Variants in TRIM54 observed in about 807,000 individuals in gnomAD.
TRIM54 encodes the protein tripartite motif-containing protein 54.
In TRIM54, 40 loss-of-function variants were observed where a neutral mutation model predicts 42.0. The observed-to-expected ratio is 0.95, with a 90% CI of 0.74 to 1.24. The LOEUF is 1.24. Ranked by LOEUF, TRIM54 falls within the 50% of genes most tolerant of loss-of-function variation. The pLI is 0.00. For missense variants in TRIM54, 485 were observed against 480.3 expected, an observed-to-expected ratio of 1.01 and a Z score of -0.09; for synonymous variants, 199 against 194.9, an observed-to-expected ratio of 1.02 and a Z score of -0.17.
At chr2:27,301,548 G>C (rs1333746924) in intron 3 of TRIM54, among the ~76,000 whole-genome samples, 3 of 152,188 alleles carry the variant, frequency 2.0e-5, no homozygotes, top group Admixed American at 6.6e-5. Context: ...CATTGCCATG[G>C]CATTAGTAAA....
chr2:27,282,728 G>A lies in TRIM54; in HGVS notation c.-4G>A. On this transcript the variant is annotated 5_prime_UTR_variant, in exon 1 of 9. Transcript: ENST00000380075. ...GGCCCAGGCCAGGCACGACCACCGA[G>A]GGGATGAACTTCACAGTGGGTTTCA... 2 of 1,610,572 alleles carry A rather than the reference G, an allele frequency of 1.2e-6. No homozygotes were observed. Among genetic ancestry groups the A allele is most frequent in the Non-Finnish European group, 1.7e-6 (2 of 1,178,384 alleles).
intron 1 of TRIM54, among the ~76,000 whole-genome samples, chr2:27,286,339 A>C (rs1349387356): frequency 1.3e-5 from 2 of 152,086 alleles, no homozygotes; most frequent in Non-Finnish European, 2.9e-5. Flanking sequence ...GGCCATCTTA[A>C]TGTAATTCTT....
intron 1 of TRIM54, among the ~76,000 whole-genome samples, chr2:27,286,192 A>G (rs1172769039): frequency 6.6e-6 from 1 of 150,790 alleles, no homozygotes; most frequent in Non-Finnish European, 1.5e-5. Context: ...ATGGTGTCAC[A>G]TTATGTTACC....
Position 27,307,251 on chromosome 2 carries a change from G to A in TRIM54, c.*366G>A, listed in dbSNP as rs1679252639. ...GTCCTGGGGATTTGGGGACCCTTGG[G>A]GTCCACATGCACCTGGCTGACCTGG... On this transcript the variant is annotated 3_prime_UTR_variant, in exon 9 of 9. Coordinates refer to ENST00000380075, the MANE Select transcript of TRIM54 (RefSeq NM_187841.3). This position sits in a 1 kb window ranked among gnomAD's most constrained non-coding sequence, Gnocchi z 6.9. The A allele has an allele frequency of 1.9e-6, 1 of 540,078 alleles. No homozygotes were observed. The highest frequency in any genetic ancestry group is 3.3e-6 in the Non-Finnish European group (1 of 306,640). 33.5% of individuals were successfully genotyped at this position (540,078 alleles called of 1,614,324 possible).
intron 3 of TRIM54, among the ~76,000 whole-genome samples, chr2:27,300,403 C>T (rs568875647): frequency 1.3e-5 from 2 of 152,026 alleles, no homozygotes; most frequent in South Asian, 2.1e-4. Context: ...GAACTCCTGA[C>T]CTCAGGTGAT....
rs1022052730 is a variant in TRIM54, at chr2:27,307,193, C to T, written c.*308C>T. ...GAGCCCAGCGCCCTGGGAAGAGGGCCGAGGGCGGGGCGGTGGTGCCGGGAC... is the reference window on the plus strand; with the variant it reads ...GAGCCCAGCGCCCTGGGAAGAGGGCTGAGGGCGGGGCGGTGGTGCCGGGAC... On this transcript the variant is annotated 3_prime_UTR_variant, in exon 9 of 9. Transcript: ENST00000380075. This position sits in a 1 kb window ranked among gnomAD's most constrained non-coding sequence, Gnocchi z 6.9. The T allele has an allele frequency of 5.1e-6, 2 of 395,052 alleles. No homozygotes were observed. Among genetic ancestry groups the T allele is most frequent in the East Asian group, 6.2e-5 (1 of 16,212 alleles). The allele number at this position is 395,052 out of a possible 1,614,324, so 24.5% of individuals were successfully genotyped here. A position where few individuals can be genotyped will look rare whatever the true frequency, so the allele number is the denominator to read the frequency against.
Position 27,299,333 on chromosome 2 carries a change from C to T in TRIM54, c.430C>T (p.Pro144Ser), listed in dbSNP as rs1678959510. The change falls in exon 3 of 9, where the codon CCC (proline) becomes TCC (serine). Residue 144 changes from proline (P) to serine (S), a missense_variant. Coordinates refer to ENST00000380075, the MANE Select transcript of TRIM54 (RefSeq NM_187841.3). ...INIYCLSCEV[P>S]TCSLCKVFGA... ...TATTTACTGCCTGAGCTGTGAGGTG[C>T]CCACCTGCTCTCTCTGCAAGGTCTT... The T allele has an allele frequency of 1.9e-6, 3 of 1,614,134 alleles. No individual in the cohort carries two copies. In the East Asian group the frequency reaches 6.7e-5, roughly 36 times the overall value.
chr2:27,294,527 A>G (rs1678810644), intron 1 of TRIM54, among the ~76,000 whole-genome samples: 1 of 152,136 alleles, frequency 6.6e-6, no homozygotes, highest in South Asian at 2.1e-4. Context: ...CTATTAGCTC[A>G]TGACCGTGTA....
At chr2:27,299,625 C>A in intron 3 of TRIM54, 1 of 1,016,794 alleles carries the variant, frequency 9.8e-7, no homozygotes, top group Non-Finnish European at 1.5e-6. Flanking sequence ...ATCCTCCCAT[C>A]TTAGCCTCGC....
rs1175867245 is a variant in TRIM54 at position 27,304,958 on chromosome 2, G to C, written c.514-1G>C. The C allele has an allele frequency of 6.2e-7, 1 of 1,613,858 alleles. No homozygotes were observed. The highest frequency in any genetic ancestry group is 1.1e-5 in the South Asian group (1 of 91,004). On this transcript the variant is annotated splice_acceptor_variant, in intron 3 of 8. Transcript: ENST00000380075. LOFTEE classifies it high-confidence loss of function. ...TGAGTGCTGACCTGTGTGTGTATCA[G>C]AGTGAGCTCAGCGATGGCATCGCGA...
chr2:27,285,018 C>G (rs1335686392), intron 1 of TRIM54, among the ~76,000 whole-genome samples: 1 of 152,160 alleles, frequency 6.6e-6, no homozygotes, highest in Non-Finnish European at 1.5e-5. Context: ...AAATCCTGTA[C>G]AGAATATTTG....
chr2:27,295,272 A>G (rs1678834288), intron 1 of TRIM54, among the ~76,000 whole-genome samples: 1 of 151,308 alleles, frequency 6.6e-6, no homozygotes, highest in South Asian at 2.1e-4. Flanking sequence ...TGTCTGGAAA[A>G]CCCATGACAC....
In TRIM54 at chr2:27,306,068, T is replaced by C. The variant is rs377233564; in HGVS notation, c.844-12T>C. The stretch of plus-strand genomic sequence containing the variant: ...CCAGTGCTTACTCTCACCCTCCTTT[T>C]CTTCCCTGCAGCAGGCCAAGGAGCT... On this transcript the variant is annotated splice_polypyrimidine_tract_variant and intron_variant, in intron 5 of 8. Transcript: ENST00000380075. The surrounding 1 kb of genome is among the most constrained non-coding windows in gnomAD (Gnocchi z 6.1). 5.0e-6 allele frequency: 8 copies of C among 1,613,626 alleles called. No homozygotes were observed. Among genetic ancestry groups the C allele is most frequent in the African/African-American group, 4.0e-5 (3 of 74,928 alleles).
intron 4 of TRIM54, 69 bp downstream of exon 4, chr2:27,305,123 A>G: frequency 7.2e-7 from 1 of 1,384,062 alleles, no homozygotes; most frequent in East Asian, 2.4e-5. Flanking sequence ...TCCCAAGAGA[A>G]CTGCTCCTCT....
chr2:27,291,819 G>C (rs1426263609), intron 1 of TRIM54, among the ~76,000 whole-genome samples: 1 of 152,210 alleles, frequency 6.6e-6, no homozygotes, highest in Non-Finnish European at 1.5e-5. Context: ...GCCCGACGGA[G>C]ATATGGCAGG....
chr2:27,306,398 CG>C lies in TRIM54; in HGVS notation c.992-55del. On this transcript the variant is annotated intron_variant, in intron 7 of 8. Transcript: ENST00000380075. The surrounding 1 kb of genome is among the most constrained non-coding windows in gnomAD (Gnocchi z 6.1). ...CGGACCCTCTGTGTGGGGGGTGCGG[CG>C]GGCACGATGGCCGTAAAGGCAGGGA... The C allele has an allele frequency of 6.2e-7, 1 of 1,612,826 alleles. No individual in the cohort carries two copies. Among genetic ancestry groups the C allele is most frequent in the East Asian group, 2.2e-5 (1 of 44,824 alleles).
At position 27,307,370 on chromosome 2, in the gene TRIM54, G is replaced by C; in HGVS notation, c.*485G>C. 7.4e-7 allele frequency: 1 copy of C among 1,345,646 alleles called. No individual in the cohort carries two copies. The highest frequency in any genetic ancestry group is 2.7e-5 in the East Asian group (1 of 37,420). The allele number at this position is 1,345,646 out of a possible 1,614,324, so 83.4% of individuals were successfully genotyped here. A position where few individuals can be genotyped will look rare whatever the true frequency, so the allele number is the denominator to read the frequency against. ...TTCCCACGGGTTCCCACGCTGCTGT[G>C]ACTGCCCTGCCTCTACGACAAAAGC... On this transcript the variant is annotated 3_prime_UTR_variant, in exon 9 of 9. Coordinates refer to ENST00000380075, the MANE Select transcript of TRIM54 (RefSeq NM_187841.3). This position sits in a 1 kb window ranked among gnomAD's most constrained non-coding sequence, Gnocchi z 6.9.
intron 1 of TRIM54, among the ~76,000 whole-genome samples, chr2:27,297,784 A>C (rs147422096): frequency 6.6e-6 from 1 of 152,102 alleles, no homozygotes; most frequent in Non-Finnish European, 1.5e-5. Context: ...GTTTAAGACC[A>C]GCCTGGGCAA....
In TRIM54 at chr2:27,282,529, G is replaced by A. The variant is rs565476841; in HGVS notation, c.-203G>A. 1.6e-5 allele frequency: 7 copies of A among 445,480 alleles called. No homozygotes were observed. Among genetic ancestry groups the A allele is most frequent in the East Asian group, 3.7e-5 (1 of 26,876 alleles). 27.6% of individuals were successfully genotyped at this position (445,480 alleles called of 1,614,324 possible). ...ATAGCTAAAACTACGTGAGCCTGGC[G>A]AGGGTGCAGAGCAGAAAGTAGAGAC... On this transcript the variant is annotated 5_prime_UTR_variant, in exon 1 of 9. Transcript: ENST00000380075.
Sources: allele counts gnomAD v4.1 joint callset (sites outside exome capture counted in the v4.1 genomes callset), GRCh38; gene constraint gnomAD v4.1.1; non-coding constraint Gnocchi (gnomAD v3.1); transcripts MANE v1.5; gene names NCBI Gene and HGNC (gene_info 2026-07-23, HGNC 2026-07-21).